Variants in GREM2 observed in about 807,000 individuals in gnomAD.
The protein encoded by GREM2 is gremlin 2, DAN family BMP antagonist, also known as gremlin-2.
In GREM2, 11 loss-of-function variants were observed where a neutral mutation model predicts 14.2. The observed-to-expected ratio is 0.78, with a 90% CI of 0.49 to 1.28. The LOEUF is 1.28. Among genes scored for constraint, GREM2 ranks in the 50% most tolerant of loss-of-function variants. The pLI is 0.00. For synonymous variants in GREM2, 98 were observed against 97.6 expected (o/e 1.00, Z -0.02); for missense variants, 210 against 218.5 (o/e 0.96, Z 0.24).
chr1:240,528,888 T>C (rs1264093713), intron 1 of GREM2, among the ~76,000 whole-genome samples: 2 of 152,134 alleles, frequency 1.3e-5, no homozygotes, highest in Non-Finnish European at 2.9e-5. Flanking sequence ...TTAACCTGAG[T>C]GGTTTTCCAT....
chr1:240,526,010 T>A (rs374482085), intron 1 of GREM2, among the ~76,000 whole-genome samples: 22 of 152,106 alleles, frequency 1.4e-4, no homozygotes, highest in African/African-American at 5.3e-4. Flanking sequence ...TGCAGTCACA[T>A]CTCCTTCTGA....
intron 1 of GREM2, among the ~76,000 whole-genome samples, chr1:240,497,478 C>G (rs1248724211): frequency 6.6e-6 from 1 of 151,874 alleles, no homozygotes; most frequent in African/African-American, 2.4e-5. Flanking sequence ...TCGGTTCTAC[C>G]TGGAGAAGGA....
chr1:240,544,306 C>A (rs1371516552), intron 1 of GREM2, among the ~76,000 whole-genome samples: 1 of 152,100 alleles, frequency 6.6e-6, no homozygotes, highest in Non-Finnish European at 1.5e-5. Flanking sequence ...TGCCACCACG[C>A]CTGGCTAATT....
intron 1 of GREM2, among the ~76,000 whole-genome samples, chr1:240,565,858 A>AC (rs1553277299): frequency 8.9e-4 from 134 of 150,834 alleles, no homozygotes; most frequent in East Asian, 5.7e-3. Context: ...AAAAAAAAAA[A>AC]AAAACAAAAC....
intron 1 of GREM2, among the ~76,000 whole-genome samples, chr1:240,506,261 C>T (rs558889011): frequency 6.6e-6 from 1 of 152,244 alleles, no homozygotes; most frequent in Non-Finnish European, 1.5e-5. Context: ...AGGCTTCATT[C>T]CTCTCCTAGT....
chr1:240,496,418 A>G (rs1403631735), intron 1 of GREM2, among the ~76,000 whole-genome samples: 1 of 151,956 alleles, frequency 6.6e-6, no homozygotes, highest in Non-Finnish European at 1.5e-5. Flanking sequence ...CTTTCTCCCA[A>G]ATGTCTACTT....
chr1:240,606,116 G>A (rs1056425954), intron 1 of GREM2, among the ~76,000 whole-genome samples: 1 of 152,150 alleles, frequency 6.6e-6, no homozygotes, highest in African/African-American at 2.4e-5. Context: ...GTGTCTTTCA[G>A]CAGATAAGCA....
intron 1 of GREM2, among the ~76,000 whole-genome samples, chr1:240,533,220 T>G (rs1678403163): frequency 6.6e-6 from 1 of 151,980 alleles, no homozygotes; most frequent in Non-Finnish European, 1.5e-5. Context: ...TAATGAAAAG[T>G]GGAGGAATAT....
intron 1 of GREM2, among the ~76,000 whole-genome samples, chr1:240,568,589 A>G (rs1350231349): frequency 1.3e-5 from 2 of 152,182 alleles, no homozygotes; most frequent in Non-Finnish European, 2.9e-5. Context: ...TATACTCTGA[A>G]TATAAAAACT....
intron 1 of GREM2, among the ~76,000 whole-genome samples, chr1:240,500,035 A>G (rs1677531782): frequency 1.3e-5 from 2 of 152,228 alleles, no homozygotes; most frequent in South Asian, 4.1e-4. Flanking sequence ...AAAATTTCTA[A>G]CTATGAAACA....
intron 1 of GREM2, among the ~76,000 whole-genome samples, chr1:240,590,406 A>AT (rs939133717): frequency 3.4e-5 from 5 of 146,906 alleles, no homozygotes; most frequent in South Asian, 2.2e-4. Context: ...GGGTTTGAGG[A>AT]TTTTTTTACT....
In GREM2 at chr1:240,492,741, T is replaced by G; in HGVS notation, c.*228A>C. On this transcript the variant is annotated 3_prime_UTR_variant, in exon 2 of 2. Transcript: ENST00000318160. ...CCTTCGGGCCTGATCCACCGCCTGG[T>G]TTAGGGGGCACAGGTGGGACCCGGG... 4 of 337,348 alleles carry G rather than the reference T, an allele frequency of 1.2e-5. No individual in the cohort carries two copies. The highest frequency in any genetic ancestry group is 5.2e-5 in the East Asian group (1 of 19,404). 20.9% of individuals were successfully genotyped at this position (337,348 alleles called of 1,614,324 possible).
chr1:240,500,951 C>T (rs1434014612), intron 1 of GREM2, among the ~76,000 whole-genome samples: 1 of 152,124 alleles, frequency 6.6e-6, no homozygotes, highest in Non-Finnish European at 1.5e-5. Context: ...AATGCCAGTA[C>T]CAGTATCCTT....
At chr1:240,609,376 C>G (rs1233049798) in intron 1 of GREM2, among the ~76,000 whole-genome samples, 2 of 151,980 alleles carry the variant, frequency 1.3e-5, no homozygotes, top group Non-Finnish European at 2.9e-5. Flanking sequence ...GTCTGAGGAC[C>G]ACATTTTAGC....
chr1:240,582,461 G>T (rs549875582), intron 1 of GREM2, among the ~76,000 whole-genome samples: 1 of 151,902 alleles, frequency 6.6e-6, no homozygotes, highest in East Asian at 2.0e-4. Context: ...AAGAGTTTAA[G>T]ATATTGAATT....
At chr1:240,610,645 G>A (rs1346885744) in intron 1 of GREM2, among the ~76,000 whole-genome samples, 1 of 152,238 alleles carries the variant, frequency 6.6e-6, no homozygotes, top group Non-Finnish European at 1.5e-5. Flanking sequence ...GCTAAGCACG[G>A]CTGAATGGTG....
intron 1 of GREM2, among the ~76,000 whole-genome samples, chr1:240,579,601 C>G (rs1343276945): frequency 2.0e-5 from 3 of 152,164 alleles, no homozygotes; most frequent in East Asian, 1.9e-4. Flanking sequence ...GTTCACTTCT[C>G]TCAGGAATTT....
At chr1:240,549,336 CAAAAAAAAAAA>C (rs55943785) in intron 1 of GREM2, among the ~76,000 whole-genome samples, 8 of 126,168 alleles carry the variant, frequency 6.3e-5, no homozygotes, top group African/African-American at 2.2e-4. Context: ...AACTCCATCT[CAAAAAAAAAAA>C]AAAGAAAAGA....
At chr1:240,495,467 C>T (rs903628796) in intron 1 of GREM2, among the ~76,000 whole-genome samples, 33 of 152,266 alleles carry the variant, frequency 2.2e-4, no homozygotes, top group African/African-American at 7.7e-4. Context: ...TTTTTTACGT[C>T]TTAAATATAT....
Sources: allele counts gnomAD v4.1 joint callset (sites outside exome capture counted in the v4.1 genomes callset), GRCh38; gene constraint gnomAD v4.1.1; transcripts MANE v1.5; gene names NCBI Gene and HGNC (gene_info 2026-07-23, HGNC 2026-07-21).